SGCZ: variants seen among roughly 807,000 people sequenced by gnomAD.
SGCZ encodes zeta-sarcoglycan.
In SGCZ, 40 loss-of-function variants were observed where a neutral mutation model predicts 41.3. The observed-to-expected ratio is 0.97, with a 90% CI of 0.75 to 1.26. SGCZ has a LOEUF of 1.26. SGCZ is among the 50% of genes most tolerant of loss of function. The pLI, the probability that SGCZ is intolerant of heterozygous loss-of-function variation, is 0.00. For missense variants in SGCZ, 552 were observed against 369.8 expected, an observed-to-expected ratio of 1.49 and a Z score of -4.04; for synonymous variants, 206 against 137.5, an observed-to-expected ratio of 1.50 and a Z score of -3.49.
intron 1 of SGCZ, among the ~76,000 whole-genome samples, chr8:14,715,573 T>C (rs1031058): frequency 0.82 from 124,816 of 151,812 alleles, 51,674 homozygotes; most frequent in African/African-American, 0.94. Context: ...CATGCACACA[T>C]AAAAACAGGA....
At chr8:14,856,281 A>G (rs1459400926) in intron 1 of SGCZ, among the ~76,000 whole-genome samples, 1 of 152,174 alleles carries the variant, frequency 6.6e-6, no homozygotes, top group Non-Finnish European at 1.5e-5. Context: ...ACTGTAACGA[A>G]TCCTATATTT....
chr8:14,318,837 C>T lies in SGCZ; in HGVS notation c.336+5266G>A, dbSNP rs142772180. Among the ~76,000 whole-genome samples the T allele has an allele frequency of 3.4e-3, 520 of 151,824 alleles. 4 individuals carry two copies. Among genetic ancestry groups the T allele is most frequent in the Non-Finnish European group, 6.0e-3 (409 of 67,870 alleles). ...AGTGCTTCAATCATTAAAACTTCAG[C>T]ATTATATAATTTTAATAAAACCAAA... On this transcript the variant is annotated intron_variant, in intron 3 of 7. Transcript: ENST00000382080.
intron 4 of SGCZ, among the ~76,000 whole-genome samples, chr8:14,172,931 G>C (rs1804431466): frequency 6.6e-6 from 1 of 152,140 alleles, no homozygotes; most frequent in Non-Finnish European, 1.5e-5. Flanking sequence ...ACTAGGGAAT[G>C]TGTGAGATGA....
At chr8:14,330,099 T>C (rs1802259819) in intron 2 of SGCZ, among the ~76,000 whole-genome samples, 1 of 152,146 alleles carries the variant, frequency 6.6e-6, no homozygotes, top group African/African-American at 2.4e-5. Context: ...GTTTTCTACT[T>C]TATATTTAGA....
At chr8:14,396,453 G>A (rs193173158) in intron 2 of SGCZ, among the ~76,000 whole-genome samples, 6 of 152,160 alleles carry the variant, frequency 3.9e-5, no homozygotes, top group African/African-American at 9.6e-5. Context: ...TCACTTAGGC[G>A]TGAAGGATTT....
At chr8:14,540,103 T>C (rs1270327852) in intron 2 of SGCZ, among the ~76,000 whole-genome samples, 2 of 151,952 alleles carry the variant, frequency 1.3e-5, no homozygotes, top group Non-Finnish European at 2.9e-5. Context: ...TAATCTATCC[T>C]GGCAGAGAAG....
chr8:15,107,607 T>C (rs1347494298), intron 1 of SGCZ, among the ~76,000 whole-genome samples: 1 of 152,214 alleles, frequency 6.6e-6, no homozygotes, highest in African/African-American at 2.4e-5. Flanking sequence ...GCACCATGTT[T>C]CTTGAACTTC....
At chr8:14,173,803 T>C (rs1195852542) in intron 4 of SGCZ, among the ~76,000 whole-genome samples, 1 of 152,138 alleles carries the variant, frequency 6.6e-6, no homozygotes. Flanking sequence ...AATAATTGCA[T>C]TTTAAATATA....
intron 1 of SGCZ, among the ~76,000 whole-genome samples, chr8:14,599,001 G>A (rs1433818606): frequency 6.6e-6 from 1 of 152,006 alleles, no homozygotes; most frequent in African/African-American, 2.4e-5. Flanking sequence ...TCCACATAAT[G>A]TTTAAAATAC....
intron 5 of SGCZ, among the ~76,000 whole-genome samples, chr8:14,134,893 A>C (rs1803150933): frequency 6.6e-6 from 1 of 152,176 alleles, no homozygotes; most frequent in Non-Finnish European, 1.5e-5. Flanking sequence ...GACAGATATA[A>C]TAGTTCATGA....
chr8:14,205,391 A>T (rs1156390763), intron 4 of SGCZ, among the ~76,000 whole-genome samples: 1 of 152,152 alleles, frequency 6.6e-6, no homozygotes, highest in Non-Finnish European at 1.5e-5. Flanking sequence ...GTTTTTCAGA[A>T]AGTTAAAATT....
chr8:15,136,325 T>C (rs1808103558), intron 1 of SGCZ, among the ~76,000 whole-genome samples: 2 of 152,092 alleles, frequency 1.3e-5, no homozygotes, highest in Non-Finnish European at 2.9e-5. Flanking sequence ...AGCCATGAGA[T>C]GGCATTCTAG....
At chr8:14,151,130 G>C (rs1803695908) in intron 5 of SGCZ, among the ~76,000 whole-genome samples, 1 of 152,070 alleles carries the variant, frequency 6.6e-6, no homozygotes, top group Non-Finnish European at 1.5e-5. Context: ...GGTGACTATA[G>C]TCAATAATAA....
At chr8:14,788,501 T>C (rs765605557) in intron 1 of SGCZ, among the ~76,000 whole-genome samples, 2 of 152,206 alleles carry the variant, frequency 1.3e-5, no homozygotes, top group African/African-American at 2.4e-5. Flanking sequence ...CCTACCATAA[T>C]TCTTCTGGGG....
At chr8:15,025,258 C>T (rs907153160) in intron 1 of SGCZ, among the ~76,000 whole-genome samples, 1 of 152,250 alleles carries the variant, frequency 6.6e-6, no homozygotes, top group East Asian at 1.9e-4. Flanking sequence ...ATTCCTGCTA[C>T]AAATCTCTCT....
intron 7 of SGCZ, among the ~76,000 whole-genome samples, chr8:14,092,549 T>A (rs529305791): frequency 3.3e-5 from 5 of 152,120 alleles, no homozygotes; most frequent in Non-Finnish European, 5.9e-5. Flanking sequence ...AATTCCCATG[T>A]ATTGTGGGAG....
At chr8:14,625,076 C>G (rs1291578458) in intron 1 of SGCZ, among the ~76,000 whole-genome samples, 1 of 152,002 alleles carries the variant, frequency 6.6e-6, no homozygotes, top group Non-Finnish European at 1.5e-5. Context: ...ATACATGTTT[C>G]CCCTGTTGTC....
chr8:14,966,239 A>T lies in SGCZ; in HGVS notation c.39+271346T>A, dbSNP rs180728419. 3.5e-3 allele frequency among the ~76,000 whole-genome samples: 528 copies of T among 152,062 alleles called. 1 individual carries two copies. Among genetic ancestry groups the T allele is most frequent in the Middle Eastern group, 6.9e-3 (2 of 290 alleles). On this transcript the variant is annotated intron_variant, in intron 1 of 7. Transcript: ENST00000382080. ...AAGAAAGAAAGGAGAAAAACAGGGG[A>T]AATATTGATGTCATCAGAGATGAGA...
chr8:14,300,794 C>T (rs1246873793), intron 3 of SGCZ, among the ~76,000 whole-genome samples: 2 of 151,812 alleles, frequency 1.3e-5, no homozygotes, highest in Non-Finnish European at 2.9e-5. Context: ...CTATTCAGGT[C>T]CTTTGCCTAT....
Sources: allele counts gnomAD v4.1 joint callset (sites outside exome capture counted in the v4.1 genomes callset), GRCh38; gene constraint gnomAD v4.1.1; transcripts MANE v1.5; gene names NCBI Gene and HGNC (gene_info 2026-07-23, HGNC 2026-07-21).